The following BRINP3 variants were observed in gnomAD, a reference collection of about 807,000 sequenced individuals.
The protein encoded by BRINP3 is BMP/retinoic acid-inducible neural-specific protein 3.
Under a neutral mutation model 71.0 loss-of-function variants are expected in BRINP3, and 19 were observed. That is an observed-to-expected ratio of 0.27 (90% confidence interval 0.19 to 0.39). BRINP3 has a LOEUF of 0.39. BRINP3 is among the 10% of genes least tolerant of loss of function. The pLI, the probability that BRINP3 is intolerant of heterozygous loss-of-function variation, is 1.00. For missense variants in BRINP3, 959 were observed against 940.8 expected, an observed-to-expected ratio of 1.02 and a Z score of -0.25; for synonymous variants, 380 against 337.7, an observed-to-expected ratio of 1.13 and a Z score of -1.37.
At chr1:190,194,941 GA>G (rs1381626682) in intron 6 of BRINP3, among the ~76,000 whole-genome samples, 3 of 151,844 alleles carry the variant, frequency 2.0e-5, no homozygotes, top group Non-Finnish European at 4.4e-5. Context: ...CTTGTTTTGG[GA>G]AAAACAATAT....
intron 7 of BRINP3, among the ~76,000 whole-genome samples, chr1:190,105,124 C>T (rs560909987): frequency 6.6e-6 from 1 of 152,092 alleles, no homozygotes; most frequent in South Asian, 2.1e-4. Flanking sequence ...GTCACTGTCT[C>T]TCCAGACTCT....
intron 4 of BRINP3, among the ~76,000 whole-genome samples, chr1:190,236,800 T>C (rs1273268282): frequency 6.6e-6 from 1 of 151,904 alleles, no homozygotes; most frequent in Non-Finnish European, 1.5e-5. Context: ...AGAGAATACT[T>C]AGGGTTTAAG....
At chr1:190,196,665 T>A (rs1274038119) in intron 6 of BRINP3, among the ~76,000 whole-genome samples, 1 of 152,102 alleles carries the variant, frequency 6.6e-6, no homozygotes, top group African/African-American at 2.4e-5. Flanking sequence ...TAGGTTTTTT[T>A]TTGTTTGTTT....
intron 3 of BRINP3, among the ~76,000 whole-genome samples, chr1:190,279,089 G>A (rs1662847121): frequency 6.6e-6 from 1 of 151,486 alleles, no homozygotes; most frequent in African/African-American, 2.4e-5. Flanking sequence ...ACTTACAGGT[G>A]CTTTGAATCA....
intron 1 of BRINP3, chr1:190,475,741 C>G (rs745978995): frequency 6.6e-6 from 1 of 152,346 alleles, no homozygotes; most frequent in South Asian, 2.1e-4. Flanking sequence ...CCCTTTCACA[C>G]GCTTGAGCTT....
At position 190,337,921 on chromosome 1, in the gene BRINP3, C is replaced by T. The variant is rs137922605; in HGVS notation, c.237-56171G>A. ...GTTTTTTAAACTATGATAGTGTCTA[C>T]CTCTTGTCATACTTTTATACGTGAA... On this transcript the variant is annotated intron_variant, in intron 2 of 7. Transcript: ENST00000367462. Among the ~76,000 whole-genome samples, 506 of 152,056 alleles carry T rather than the reference C, an allele frequency of 3.3e-3. 2 individuals are homozygous for T. The highest frequency in any genetic ancestry group is 0.012 in the African/African-American group (494 of 41,512).
chr1:190,333,537 T>G, intron 2 of BRINP3, among the ~76,000 whole-genome samples: 1 of 152,010 alleles, frequency 6.6e-6, no homozygotes, highest in East Asian at 1.9e-4. Context: ...TGTTCAAATA[T>G]ATTAATGATC....
chr1:190,308,566 A>G (rs954023429), intron 2 of BRINP3, among the ~76,000 whole-genome samples: 7 of 151,808 alleles, frequency 4.6e-5, no homozygotes, highest in South Asian at 2.1e-4. Flanking sequence ...TGGGTGCAGC[A>G]CACCAGCATA....
At chr1:190,378,634 T>C (rs533154601) in intron 2 of BRINP3, among the ~76,000 whole-genome samples, 2 of 152,338 alleles carry the variant, frequency 1.3e-5, no homozygotes, top group South Asian at 2.1e-4. Context: ...TTAAAATCAT[T>C]TTCTCTTTTT....
intron 7 of BRINP3, among the ~76,000 whole-genome samples, chr1:190,119,480 T>C (rs929638910): frequency 6.6e-6 from 1 of 152,170 alleles, no homozygotes. Flanking sequence ...TTCACCATTT[T>C]GGTCGGGGGG....
chr1:190,146,589 T>C (rs907150563), intron 7 of BRINP3, among the ~76,000 whole-genome samples: 5 of 152,106 alleles, frequency 3.3e-5, no homozygotes, highest in Non-Finnish European at 7.4e-5. Context: ...TAAAAGAGAT[T>C]CATTTTCATA....
At chr1:190,442,801 CGTGT>C (rs35183761) in intron 2 of BRINP3, among the ~76,000 whole-genome samples, 22,851 of 132,642 alleles carry the variant, frequency 0.17, 2,152 homozygotes, top group African/African-American at 0.24. Context: ...CATGCCTGTG[CGTGT>C]GTGTGTGTGT....
intron 2 of BRINP3, among the ~76,000 whole-genome samples, chr1:190,449,753 T>TATAG (rs1179874775): frequency 6.6e-6 from 1 of 152,096 alleles, no homozygotes; most frequent in African/African-American, 2.4e-5. Context: ...ATTATCAGTG[T>TATAG]ATAGCTGAGG....
intron 5 of BRINP3, among the ~76,000 whole-genome samples, chr1:190,228,704 C>T (rs1413979401): frequency 6.6e-6 from 1 of 151,882 alleles, no homozygotes; most frequent in Non-Finnish European, 1.5e-5. Flanking sequence ...ACCAGACCAC[C>T]GATAAGAACT....
At chr1:190,262,973 G>T (rs1324018306) in intron 4 of BRINP3, among the ~76,000 whole-genome samples, 1 of 151,950 alleles carries the variant, frequency 6.6e-6, no homozygotes, top group East Asian at 1.9e-4. Flanking sequence ...AGAAGTATAT[G>T]CAAATACCCA....
chr1:190,251,556 CA>C (rs543335052), intron 4 of BRINP3, among the ~76,000 whole-genome samples: 25 of 151,858 alleles, frequency 1.6e-4, no homozygotes, highest in Non-Finnish European at 3.1e-4. Context: ...CATGCTGAAC[CA>C]AGGGGTATGT....
chr1:190,219,966 T>G (rs1656732508), intron 6 of BRINP3, among the ~76,000 whole-genome samples: 1 of 151,084 alleles, frequency 6.6e-6, no homozygotes, highest in African/African-American at 2.4e-5. Flanking sequence ...TACAGAAAAT[T>G]ACCTCAAAAG....
intron 7 of BRINP3, among the ~76,000 whole-genome samples, chr1:190,113,967 T>A (rs1280106445): frequency 2.0e-5 from 3 of 152,206 alleles, no homozygotes; most frequent in Non-Finnish European, 4.4e-5. Context: ...AGGAATCCTA[T>A]GTGTCTTCAA....
At chr1:190,226,540 A>T (rs781261537) in intron 5 of BRINP3, among the ~76,000 whole-genome samples, 12 of 152,008 alleles carry the variant, frequency 7.9e-5, no homozygotes, top group Non-Finnish European at 1.8e-4. Context: ...AGAAATAGAG[A>T]TGATTAATCA....
Sources: gnomAD v4.1 joint callset for allele counts (sites outside exome capture counted in the v4.1 genomes callset) on GRCh38, gnomAD v4.1.1 for gene constraint, MANE v1.5 for transcripts, NCBI Gene and HGNC (gene_info 2026-07-23, HGNC 2026-07-21) for gene names.